The following TRDN variants were observed in gnomAD, a reference collection of about 807,000 sequenced individuals.
TRDN encodes triadin in skeletal muscle.
A neutral mutation model predicts 149.7 loss-of-function variants in TRDN; 161 were observed. The observed-to-expected ratio is 1.08, with a 90% CI of 0.95 to 1.23. The LOEUF is 1.23. Ranked by LOEUF, TRDN falls within the 50% of genes most tolerant of loss-of-function variation. The pLI is 0.00. For missense variants in TRDN, 896 were observed against 823.5 expected, an observed-to-expected ratio of 1.09 and a Z score of -1.08; for synonymous variants, 294 against 250.5, an observed-to-expected ratio of 1.17 and a Z score of -1.64.
intron 1 of TRDN, among the ~76,000 whole-genome samples, chr6:123,609,704 T>C (rs1274422268): frequency 2.6e-5 from 4 of 152,184 alleles, no homozygotes; most frequent in African/African-American, 7.2e-5. Flanking sequence ...TAAATAGAAT[T>C]TATTCCTGAG....
At position 123,571,056 on chromosome 6, in the gene TRDN, C is replaced by T; in HGVS notation, c.99G>A (p.Lys33=). Residue 33 remains lysine, a synonymous_variant, in exon 2 of 41, where the codon AAG becomes AAA. Transcript: ENST00000334268. Reference sequence around the variant, plus strand: ...TCACTATGTCTTCTGTGACTGTCCTCTTCAGCACTTTTCCGGGGGATTTGG... The same window carrying T: ...TCACTATGTCTTCTGTGACTGTCCTTTTCAGCACTTTTCCGGGGGATTTGG... ...SVPKSPGKVL[K]RTVTEDIVTT... The T allele has an allele frequency of 1.2e-6, 2 of 1,614,010 alleles. No individual in the cohort carries two copies. The highest frequency in any genetic ancestry group is 1.7e-6 in the Non-Finnish European group (2 of 1,179,880).
chr6:123,331,986 C>A (rs1779676534), intron 22 of TRDN, 57 bp from the exon 23 acceptor site: 2 of 1,330,670 alleles, frequency 1.5e-6, no homozygotes, highest in Non-Finnish European at 2.1e-6. Flanking sequence ...TTTCAGATAC[C>A]TATAAATGAA....
intron 1 of TRDN, among the ~76,000 whole-genome samples, chr6:123,634,296 C>T (rs2114751529): frequency 6.6e-6 from 1 of 151,646 alleles, no homozygotes; most frequent in African/African-American, 2.4e-5. Flanking sequence ...AAAAAATTAG[C>T]CAGGCATGGT....
In TRDN at chr6:123,278,353, A is replaced by C. The variant is rs992713973; in HGVS notation, c.1538-6T>G. On this transcript the variant is annotated splice_polypyrimidine_tract_variant and splice_region_variant and intron_variant, in intron 25 of 40. Coordinates refer to ENST00000334268, the MANE Select transcript of TRDN (RefSeq NM_006073.4). Reference sequence around the variant, plus strand: ...TTCCTTTTTTCCTTGTAGTTCTAAAAATATAGATGAACATTAGTAACAATG... The same window carrying C: ...TTCCTTTTTTCCTTGTAGTTCTAAACATATAGATGAACATTAGTAACAATG... The C allele has an allele frequency of 5.5e-6, 7 of 1,279,012 alleles. No homozygotes were observed. The highest frequency in any genetic ancestry group is 1.4e-5 in the South Asian group (1 of 70,054). 79.2% of individuals were successfully genotyped at this position (1,279,012 alleles called of 1,614,324 possible). A position where few individuals can be genotyped will look rare whatever the true frequency, so the allele number is the denominator to read the frequency against.
At chr6:123,518,213 A>AT (rs994040854) in intron 5 of TRDN, among the ~76,000 whole-genome samples, 1 of 152,048 alleles carries the variant, frequency 6.6e-6, no homozygotes, top group Non-Finnish European at 1.5e-5. Context: ...TTGAGATATT[A>AT]TTTTTTTCCA....
chr6:123,615,572 T>G (rs1785041914), intron 1 of TRDN, among the ~76,000 whole-genome samples: 1 of 151,974 alleles, frequency 6.6e-6, no homozygotes, highest in African/African-American at 2.4e-5. Flanking sequence ...TGGAATATTA[T>G]TTGTCCCTAA....
intron 1 of TRDN, among the ~76,000 whole-genome samples, chr6:123,581,363 C>G (rs72962823): frequency 0.12 from 18,189 of 152,058 alleles, 1,175 homozygotes; most frequent in African/African-American, 0.16. Context: ...ATTATTCTGA[C>G]TTTTTTTATA....
At chr6:123,523,608 T>C (rs936285316) in intron 5 of TRDN, among the ~76,000 whole-genome samples, 6 of 151,978 alleles carry the variant, frequency 3.9e-5, no homozygotes, top group African/African-American at 1.5e-4. Flanking sequence ...CACAATTTAA[T>C]TGAGAGATGA....
rs577681040 is a variant in TRDN at position 123,559,665 on chromosome 6, G to T, written c.233-11053C>A. ...AAAGGATTAAAGCCTGTTATCTCTC[G>T]CCTGCTACAGCATGGCTTTTAAAGC... On this transcript the variant is annotated intron_variant, in intron 2 of 40. Coordinates refer to ENST00000334268, the MANE Select transcript of TRDN (RefSeq NM_006073.4). 2.0e-5 allele frequency among the ~76,000 whole-genome samples: 3 copies of T among 152,160 alleles called. No individual in the cohort carries two copies. In the South Asian group the frequency reaches 6.2e-4, roughly 32 times the overall value.
At chr6:123,224,030 A>G (rs1179051794) in intron 39 of TRDN, 63 bp downstream of exon 39, 7 of 1,461,846 alleles carry the variant, frequency 4.8e-6, no homozygotes, top group East Asian at 2.3e-5. Flanking sequence ...AAAAAAAAAG[A>G]CAGACAAAAA....
rs1365312933 is a variant in TRDN, at chr6:123,433,142, AAATATATATATATATATAT to A, written c.1051+4902_1051+4920del. 8.8e-3 allele frequency among the ~76,000 whole-genome samples: 255 copies of A among 29,042 alleles called. 4 individuals carry two copies. Among genetic ancestry groups the A allele is most frequent in the African/African-American group, 0.027 (225 of 8,284 alleles). The allele number at this position is 29,042 out of a possible 152,430, so 19.1% of individuals were successfully genotyped here. On this transcript the variant is annotated intron_variant, in intron 12 of 40. Transcript: ENST00000334268. ...ACACTCCCCTTCCCCCACACATCATAAATATATATATATATATATAATATATATATATATATATATACAT... is the reference window on the plus strand; with the variant it reads ...ACACTCCCCTTCCCCCACACATCATAAATATATATATATATATATATACAT...
At chr6:123,387,589 C>T (rs954890951) in intron 14 of TRDN, among the ~76,000 whole-genome samples, 1 of 152,014 alleles carries the variant, frequency 6.6e-6, no homozygotes, top group Non-Finnish European at 1.5e-5. Context: ...ATGAAAACTT[C>T]CTATCATTTA....
intron 5 of TRDN, among the ~76,000 whole-genome samples, chr6:123,523,015 C>T (rs145367594): frequency 1.6e-4 from 24 of 152,158 alleles, no homozygotes; most frequent in African/African-American, 5.5e-4. Flanking sequence ...TTCCCTCCCT[C>T]AGTTAGTTAG....
intron 12 of TRDN, among the ~76,000 whole-genome samples, chr6:123,419,211 G>C (rs1773793100): frequency 6.6e-6 from 1 of 152,064 alleles, no homozygotes; most frequent in South Asian, 2.1e-4. Context: ...CTATACCATA[G>C]AGAAAGGGTA....
At chr6:123,539,005 A>G (rs1052537471) in intron 4 of TRDN, among the ~76,000 whole-genome samples, 6 of 152,158 alleles carry the variant, frequency 3.9e-5, no homozygotes, top group African/African-American at 1.4e-4. Flanking sequence ...TGGCTGTGTT[A>G]GCGTGTTTCA....
chr6:123,283,859 T>C (rs1777694288), intron 24 of TRDN, among the ~76,000 whole-genome samples: 1 of 149,192 alleles, frequency 6.7e-6, no homozygotes, highest in Admixed American at 6.7e-5. Context: ...TACCCAATTC[T>C]TTAAATGTCT....
intron 5 of TRDN, among the ~76,000 whole-genome samples, chr6:123,523,956 C>CT (rs1779814178): frequency 6.6e-6 from 1 of 152,104 alleles, no homozygotes; most frequent in African/African-American, 2.4e-5. Flanking sequence ...TATTTGAACT[C>CT]TAAGCCATGA....
intron 1 of TRDN, among the ~76,000 whole-genome samples, chr6:123,623,317 A>G (rs967721254): frequency 2.0e-5 from 3 of 152,102 alleles, no homozygotes; most frequent in African/African-American, 7.2e-5. Context: ...TTGAAAGATA[A>G]CTAAGCTTAG....
chr6:123,392,895 A>G (rs1200051409), intron 13 of TRDN, among the ~76,000 whole-genome samples: 1 of 152,022 alleles, frequency 6.6e-6, no homozygotes, highest in Non-Finnish European at 1.5e-5. Flanking sequence ...TTGTACCACC[A>G]CCTATGTGCA....
Sources: allele counts gnomAD v4.1 joint callset (sites outside exome capture counted in the v4.1 genomes callset), GRCh38; gene constraint gnomAD v4.1.1; transcripts MANE v1.5; gene names NCBI Gene and HGNC (gene_info 2026-07-23, HGNC 2026-07-21).